ARB2A: variants seen among roughly 807,000 people sequenced by gnomAD.
ARB2A encodes the protein ARB2 cotranscriptional regulator A.
the ARB2A span, among the ~76,000 whole-genome samples, chr5:94,093,654 T>C: frequency 1.3e-5 from 2 of 152,214 alleles, no homozygotes; most frequent in African/African-American, 4.8e-5. Context: ...TCAAAATTCA[T>C]GTCCTTATCA....
At chr5:93,763,359 A>T in the ARB2A span, among the ~76,000 whole-genome samples, 1 of 152,184 alleles carries the variant, frequency 6.6e-6, no homozygotes, top group African/African-American at 2.4e-5. Context: ...AAGATCTACC[A>T]AGCAAATGGA....
chr5:93,714,728 G>T, the ARB2A span, among the ~76,000 whole-genome samples: 1 of 152,088 alleles, frequency 6.6e-6, no homozygotes, highest in Non-Finnish European at 1.5e-5. Flanking sequence ...ACCAATAAGG[G>T]CTATGGCTTA....
At chr5:93,629,694 C>A in the ARB2A span, among the ~76,000 whole-genome samples, 24 of 152,102 alleles carry the variant, frequency 1.6e-4, no homozygotes, top group African/African-American at 5.1e-4. Context: ...CAAAATAATA[C>A]ATTTTTAAAG....
the ARB2A span, among the ~76,000 whole-genome samples, chr5:93,854,976 G>C: frequency 6.6e-6 from 1 of 152,246 alleles, no homozygotes; most frequent in East Asian, 1.9e-4. Context: ...TATTAGGTCT[G>C]CATGATGCAG....
the ARB2A span, chr5:93,619,016 T>A: frequency 1.3e-5 from 2 of 152,212 alleles, no homozygotes; most frequent in African/African-American, 4.8e-5. Context: ...TTTCTTATAC[T>A]GAAAACACAA....
chr5:93,853,434 T>C, the ARB2A span, among the ~76,000 whole-genome samples: 12 of 152,202 alleles, frequency 7.9e-5, no homozygotes, highest in South Asian at 2.1e-4. Context: ...CTTTTCCTAA[T>C]TGAATACCCT....
At chr5:94,050,383 T>A in the ARB2A span, among the ~76,000 whole-genome samples, 1 of 151,798 alleles carries the variant, frequency 6.6e-6, no homozygotes, top group Non-Finnish European at 1.5e-5. Flanking sequence ...GCCTTCCAAG[T>A]AGCTGGGACT....
chr5:93,965,397 C>T, the ARB2A span, among the ~76,000 whole-genome samples: 5 of 151,958 alleles, frequency 3.3e-5, no homozygotes, highest in African/African-American at 1.2e-4. Flanking sequence ...ACGAATTCTC[C>T]CCTAGATCCT....
At chr5:93,958,935 T>C in the ARB2A span, 4 of 1,603,038 alleles carry the variant, frequency 2.5e-6, no homozygotes, top group East Asian at 6.7e-5. Flanking sequence ...CTCATAAAGA[T>C]AAAACTCTTT....
the ARB2A span, among the ~76,000 whole-genome samples, chr5:94,027,132 AATAAG>A: frequency 6.6e-6 from 1 of 152,218 alleles, no homozygotes; most frequent in African/African-American, 2.4e-5. Flanking sequence ...CCTTGGGGGT[AATAAG>A]ATAAGAGTCT....
At chr5:93,682,495 G>A in the ARB2A span, among the ~76,000 whole-genome samples, 1 of 150,742 alleles carries the variant, frequency 6.6e-6, no homozygotes, top group African/African-American at 2.4e-5. Flanking sequence ...ATTTTGATTA[G>A]GCAAAAAGTT....
At chr5:93,990,826 A>G in the ARB2A span, among the ~76,000 whole-genome samples, 1 of 152,012 alleles carries the variant, frequency 6.6e-6, no homozygotes, top group Admixed American at 6.6e-5. Context: ...AAGGAAAACA[A>G]AGGAGATAAG....
At chr5:94,075,099 TCA>T in the ARB2A span, among the ~76,000 whole-genome samples, 1 of 152,108 alleles carries the variant, frequency 6.6e-6, no homozygotes, top group Non-Finnish European at 1.5e-5. Flanking sequence ...TAGTTACCTA[TCA>T]CCTAATGTTT....
At chr5:93,844,573 A>G in the ARB2A span, among the ~76,000 whole-genome samples, 286 of 152,368 alleles carry the variant, frequency 1.9e-3, 2 homozygotes, top group African/African-American at 5.9e-3. Context: ...CTTCTTCTAA[A>G]GAAACAACTG....
the ARB2A span, among the ~76,000 whole-genome samples, chr5:94,022,955 C>G: frequency 6.6e-6 from 1 of 152,196 alleles, no homozygotes; most frequent in Non-Finnish European, 1.5e-5. Flanking sequence ...AAGGAGGATA[C>G]AAGTATGACC....
the ARB2A span, among the ~76,000 whole-genome samples, chr5:93,747,110 A>G: frequency 6.6e-6 from 1 of 152,118 alleles, no homozygotes; most frequent in South Asian, 2.1e-4. Flanking sequence ...TTTTCATTGC[A>G]CTGCACAATA....
At chr5:93,868,661 G>C in the ARB2A span, among the ~76,000 whole-genome samples, 4 of 152,096 alleles carry the variant, frequency 2.6e-5, no homozygotes, top group Non-Finnish European at 5.9e-5. Context: ...CCACCTACAA[G>C]GCTCACAAAA....
At chr5:93,800,116 T>A in the ARB2A span, among the ~76,000 whole-genome samples, 1 of 152,074 alleles carries the variant, frequency 6.6e-6, no homozygotes, top group Non-Finnish European at 1.5e-5. Context: ...AGTACCTATA[T>A]AGGAGAAATC....
At chr5:93,823,288 CA>C in the ARB2A span, among the ~76,000 whole-genome samples, 1 of 152,120 alleles carries the variant, frequency 6.6e-6, no homozygotes, top group Non-Finnish European at 1.5e-5. Flanking sequence ...GCATCTAAAA[CA>C]GACAGAATTC....
Sources: gnomAD v4.1 joint callset for allele counts (sites outside exome capture counted in the v4.1 genomes callset) on GRCh38, gnomAD v4.1.1 for gene constraint, MANE v1.5 for transcripts, NCBI Gene and HGNC (gene_info 2026-07-23, HGNC 2026-07-21) for gene names.